Variants in TRABD2A observed in about 807,000 individuals in gnomAD.
TRABD2A encodes the protein metalloprotease TIKI1.
In TRABD2A, 43 loss-of-function variants were observed where a neutral mutation model predicts 45.6. The ratio of observed to expected loss-of-function variants is 0.94; its 90% CI spans 0.74 to 1.22. The LOEUF (loss-of-function observed/expected upper bound fraction) is 1.22, where lower values mean the gene tolerates loss of function less well. Ranked by LOEUF, TRABD2A falls within the 50% of genes most tolerant of loss-of-function variation. TRABD2A has a pLI of 0.00. For missense variants in TRABD2A, 642 were observed against 652.4 expected (o/e 0.98, Z 0.17); for synonymous variants, 269 against 265.0 (o/e 1.02, Z -0.15).
chr2:84,824,274 T>TA (rs751662032), intron 5 of TRABD2A, 70 bp from the exon 6 acceptor site: 81 of 1,577,436 alleles, frequency 5.1e-5, no homozygotes, highest in Admixed American at 8.0e-5. Flanking sequence ...CCAGCTCTCT[T>TA]ACACCTCAGG....
chr2:84,835,298 T>C (rs892599633), intron 4 of TRABD2A: 2 of 152,212 alleles, frequency 1.3e-5, no homozygotes, highest in African/African-American at 4.8e-5. Flanking sequence ...TTAGTCTGTG[T>C]TGCTGTTACA....
At chr2:84,860,091 A>G (rs1052376793) in intron 2 of TRABD2A, among the ~76,000 whole-genome samples, 3 of 152,190 alleles carry the variant, frequency 2.0e-5, no homozygotes, top group Admixed American at 6.5e-5. Flanking sequence ...CCACACACGC[A>G]TCAAGGTGAA....
At chr2:84,867,388 A>G (rs1475954739) in intron 2 of TRABD2A, among the ~76,000 whole-genome samples, 1 of 152,232 alleles carries the variant, frequency 6.6e-6, no homozygotes, top group African/African-American at 2.4e-5. Flanking sequence ...CCATATGTAG[A>G]AAGCTGAAAC....
intron 5 of TRABD2A, among the ~76,000 whole-genome samples, chr2:84,825,951 C>G (rs1667256727): frequency 6.6e-6 from 1 of 152,082 alleles, no homozygotes; most frequent in South Asian, 2.1e-4. Context: ...AAAACCATCC[C>G]CCCCTCCCCG....
At chr2:84,859,283 T>C (rs1356768876) in intron 2 of TRABD2A, among the ~76,000 whole-genome samples, 1 of 152,174 alleles carries the variant, frequency 6.6e-6, no homozygotes, top group African/African-American at 2.4e-5. Flanking sequence ...TAATACAGTA[T>C]GGCCGGATTG....
At chr2:84,845,567 G>GTT (rs1282131065) in intron 2 of TRABD2A, among the ~76,000 whole-genome samples, 1 of 143,816 alleles carries the variant, frequency 7.0e-6, no homozygotes, top group Non-Finnish European at 1.5e-5. Context: ...GGGGAGACAA[G>GTT]GGCGGGGGAA....
chr2:84,835,087 T>G (rs1188079577), intron 4 of TRABD2A: 2 of 152,230 alleles, frequency 1.3e-5, no homozygotes, highest in South Asian at 2.1e-4. Flanking sequence ...CTAGTGAGTA[T>G]GAAATGGTAT....
At chr2:84,823,907 C>T (rs1280003148) in intron 6 of TRABD2A, 46 bp downstream of exon 6, 9 of 1,604,738 alleles carry the variant, frequency 5.6e-6, no homozygotes, top group Non-Finnish European at 8.5e-7. Context: ...GGTCCGCTCA[C>T]TAGGGTAAAG....
intron 2 of TRABD2A, among the ~76,000 whole-genome samples, chr2:84,854,744 C>T (rs2105393877): frequency 6.6e-6 from 1 of 152,328 alleles, no homozygotes; most frequent in Middle Eastern, 3.4e-3. Flanking sequence ...CCTACTTCTC[C>T]TGAATGCCCT....
rs753755325 is a variant in TRABD2A, at chr2:84,839,327, C to T, written c.817-4G>A. 2.4e-5 allele frequency: 39 copies of T among 1,594,456 alleles called. No homozygotes were observed. Among genetic ancestry groups the T allele is most frequent in the Admixed American group, 1.6e-4 (9 of 55,698 alleles). Reference sequence around the variant, plus strand: ...TGGCATTAATAAAATTGGGAACCTCCACCAAAATAAAGAGAAAAAAAAATA... The same window carrying T: ...TGGCATTAATAAAATTGGGAACCTCTACCAAAATAAAGAGAAAAAAAAATA... On this transcript the variant is annotated splice_region_variant and splice_polypyrimidine_tract_variant and intron_variant, in intron 3 of 6. Coordinates refer to ENST00000409520, the MANE Select transcript of TRABD2A (RefSeq NM_001277053.2).
chr2:84,874,861 G>T, intron 1 of TRABD2A: 1 of 180,246 alleles, frequency 5.5e-6, no homozygotes, highest in Non-Finnish European at 1.2e-5. Context: ...AGCCTTCAAG[G>T]AACCACCAAG....
intron 5 of TRABD2A, among the ~76,000 whole-genome samples, chr2:84,828,918 A>G (rs1415356741): frequency 6.6e-6 from 1 of 152,186 alleles, no homozygotes; most frequent in African/African-American, 2.4e-5. Context: ...AGATTCTGAT[A>G]GAGAGAACTG....
chr2:84,859,957 G>T (rs140151587), intron 2 of TRABD2A, among the ~76,000 whole-genome samples: 2 of 151,800 alleles, frequency 1.3e-5, no homozygotes, highest in African/African-American at 2.4e-5. Context: ...GATGGGGGGG[G>T]GTCTCACTAT....
chr2:84,844,199 A>G (rs1237211374), intron 2 of TRABD2A, among the ~76,000 whole-genome samples: 1 of 152,142 alleles, frequency 6.6e-6, no homozygotes, highest in Non-Finnish European at 1.5e-5. Flanking sequence ...CCCAAATCTC[A>G]TCTTGAATTG....
intron 2 of TRABD2A, among the ~76,000 whole-genome samples, chr2:84,858,367 C>A (rs149462647): frequency 6.6e-6 from 1 of 152,168 alleles, no homozygotes; most frequent in East Asian, 1.9e-4. Flanking sequence ...GATTTGCCTG[C>A]GCTTTTGGCC....
intron 5 of TRABD2A, among the ~76,000 whole-genome samples, chr2:84,826,365 A>G (rs1681146308): frequency 6.6e-6 from 1 of 152,222 alleles, no homozygotes; most frequent in Non-Finnish European, 1.5e-5. Flanking sequence ...GTTGGAGAGT[A>G]GGGATCAGGA....
chr2:84,829,398 A>G (rs956769533), intron 5 of TRABD2A, among the ~76,000 whole-genome samples: 1 of 139,746 alleles, frequency 7.2e-6, no homozygotes, highest in Non-Finnish European at 1.6e-5. Flanking sequence ...ACACACACAC[A>G]CCACACACAC....
At chr2:84,851,735 A>G (rs1682103369) in intron 2 of TRABD2A, among the ~76,000 whole-genome samples, 2 of 152,204 alleles carry the variant, frequency 1.3e-5, no homozygotes, top group African/African-American at 4.8e-5. Flanking sequence ...CCATAGAAAT[A>G]CCAGCACAAG....
intron 2 of TRABD2A, among the ~76,000 whole-genome samples, chr2:84,854,356 G>A (rs928166831): frequency 3.3e-5 from 5 of 152,162 alleles, no homozygotes; most frequent in Admixed American, 1.3e-4. Flanking sequence ...CACTTACAGT[G>A]GATGGAGCAA....
Sources: allele counts gnomAD v4.1 joint callset (sites outside exome capture counted in the v4.1 genomes callset), GRCh38; gene constraint gnomAD v4.1.1; transcripts MANE v1.5; gene names NCBI Gene and HGNC (gene_info 2026-07-23, HGNC 2026-07-21).